Variants in XRN2 observed in about 807,000 individuals in gnomAD.
The protein encoded by XRN2 is DHM1-like protein.
Under a neutral mutation model 138.5 loss-of-function variants are expected in XRN2, and 44 were observed. The observed-to-expected ratio is 0.32, with a 90% CI of 0.25 to 0.41. The LOEUF (loss-of-function observed/expected upper bound fraction) is 0.41, where lower values mean the gene tolerates loss of function less well. Ranked by LOEUF, XRN2 falls within the 10% of genes least tolerant of loss-of-function variation. The probability of loss-of-function intolerance (pLI) is 1.00; values close to 1 mark genes in which losing one functional copy is unlikely to be tolerated. For synonymous variants in XRN2, 354 were observed against 369.4 expected, an observed-to-expected ratio of 0.96 and a Z score of 0.48; for missense variants, 937 against 1,169.3, an observed-to-expected ratio of 0.80 and a Z score of 2.90.
Position 21,326,503 on chromosome 20 carries a change from AATGAAG to A in XRN2, c.223_228del (p.Asp75_Glu76del), listed in dbSNP as rs758778363. 1 of 1,613,962 alleles carries A rather than the reference AATGAAG, an allele frequency of 6.2e-7. No individual in the cohort carries two copies. Among genetic ancestry groups the A allele is most frequent in the African/African-American group, 1.3e-5 (1 of 74,940 alleles). ...TTGTCATTATAGACCAGCACCAAAAAATGAAGATGAAATGATGGTTGCAATTTTTGA... is the reference window on the plus strand; with the variant it reads ...TTGTCATTATAGACCAGCACCAAAAAATGAAATGATGGTTGCAATTTTTGA... On this transcript the variant is annotated inframe_deletion, in exon 3 of 30. Transcript: ENST00000377191.
intron 28 of XRN2, among the ~76,000 whole-genome samples, chr20:21,385,814 A>G (rs1481702683): frequency 6.6e-6 from 1 of 152,194 alleles, no homozygotes; most frequent in African/African-American, 2.4e-5. Flanking sequence ...TGAAATTCTT[A>G]TGCTGATATG....
intron 1 of XRN2, among the ~76,000 whole-genome samples, chr20:21,311,537 A>G (rs767221199): frequency 9.0e-4 from 137 of 152,290 alleles, no homozygotes; most frequent in Non-Finnish European, 1.7e-3. Flanking sequence ...TTGGTGTACA[A>G]GTATCTTTTT....
intron 27 of XRN2, among the ~76,000 whole-genome samples, chr20:21,377,616 T>G (rs1393340597): frequency 6.6e-6 from 1 of 152,102 alleles, no homozygotes; most frequent in African/African-American, 2.4e-5. Flanking sequence ...ATTTATTTTG[T>G]GATCTTGTTA....
chr20:21,309,489 G>A (rs1257047708), intron 1 of XRN2, among the ~76,000 whole-genome samples: 1 of 152,046 alleles, frequency 6.6e-6, no homozygotes, highest in Non-Finnish European at 1.5e-5. Context: ...CTTTGAATGC[G>A]GCCCAGCACA....
intron 1 of XRN2, among the ~76,000 whole-genome samples, chr20:21,312,654 G>T (rs929321151): frequency 7.8e-4 from 116 of 149,214 alleles, no homozygotes; most frequent in African/African-American, 2.8e-3. Context: ...CTGTTGCCCA[G>T]GCTGGAGTGC....
At chr20:21,312,983 G>A (rs553859970) in intron 1 of XRN2, among the ~76,000 whole-genome samples, 1 of 152,248 alleles carries the variant, frequency 6.6e-6, no homozygotes, top group East Asian at 1.9e-4. Context: ...GAAGAGGTTT[G>A]GGGAGCTCTT....
At position 21,314,708 on chromosome 20, in the gene XRN2, T is replaced by G. The variant is rs192694718; in HGVS notation, c.75+11235T>G. 2.0e-5 allele frequency among the ~76,000 whole-genome samples: 3 copies of G among 152,208 alleles called. No individual in the cohort carries two copies. The East Asian group carries it at 5.8e-4, about 29-fold the overall frequency. On this transcript the variant is annotated intron_variant, in intron 1 of 29. Coordinates refer to ENST00000377191, the MANE Select transcript of XRN2 (RefSeq NM_012255.5). ...TCTGTGTTGCCTACTGGTCTTGAAC[T>G]CCTAGCCCCAAGTGATTGCACTATT...
chr20:21,351,046 AT>A (rs2038504342), intron 20 of XRN2, among the ~76,000 whole-genome samples: 2 of 152,140 alleles, frequency 1.3e-5, no homozygotes, highest in South Asian at 4.1e-4. Flanking sequence ...AAGCAAATAT[AT>A]TTTTGTGTTT....
At chr20:21,338,602 A>G (rs1403616575) in intron 13 of XRN2, among the ~76,000 whole-genome samples, 1 of 152,190 alleles carries the variant, frequency 6.6e-6, no homozygotes, top group African/African-American at 2.4e-5. Flanking sequence ...GAGTCTAATT[A>G]AATTGTCTTG....
chr20:21,322,386 C>A (rs1187712544), intron 1 of XRN2, among the ~76,000 whole-genome samples: 1 of 152,204 alleles, frequency 6.6e-6, no homozygotes, highest in Non-Finnish European at 1.5e-5. Context: ...TTGGCCATTT[C>A]TCTCTAAAAT....
At position 21,389,598 on chromosome 20, in the gene XRN2, G is replaced by T. The variant is rs1426814821; in HGVS notation, c.*260G>T. The T allele has an allele frequency of 9.7e-6, 3 of 307,808 alleles. No individual in the cohort carries two copies. The highest frequency in any genetic ancestry group is 1.3e-4 in the South Asian group (2 of 15,338). 19.1% of individuals were successfully genotyped at this position (307,808 alleles called of 1,614,324 possible). ...ATAGGAGTACTGGTTTTTCATAATG[G>T]TTAAAAATGAAACCAGCTGTGGATT... On this transcript the variant is annotated 3_prime_UTR_variant, in exon 30 of 30. Transcript: ENST00000377191.
At chr20:21,353,235 T>G (rs1371382659) in intron 20 of XRN2, among the ~76,000 whole-genome samples, 1 of 38,560 alleles carries the variant, frequency 2.6e-5, no homozygotes, top group South Asian at 1.7e-3. Context: ...TATATATATA[T>G]ATATATATAT....
At chr20:21,365,354 C>A in intron 24 of XRN2, 67 bp from the exon 25 acceptor site, 15 of 1,478,950 alleles carry the variant, frequency 1.0e-5, no homozygotes, top group Non-Finnish European at 1.3e-5. Context: ...ATGAAAAATA[C>A]CTCAGTCTAC....
intron 29 of XRN2, 103 bp downstream of exon 29, chr20:21,387,109 A>G: frequency 3.6e-6 from 5 of 1,406,848 alleles, no homozygotes; most frequent in Non-Finnish European, 4.8e-6. Flanking sequence ...AGACACTGAT[A>G]GAGTAGCTTA....
At chr20:21,383,760 T>C (rs1450446920) in intron 28 of XRN2, among the ~76,000 whole-genome samples, 1 of 152,224 alleles carries the variant, frequency 6.6e-6, no homozygotes, top group Non-Finnish European at 1.5e-5. Flanking sequence ...TTTGTTCTTA[T>C]TCTACCCTAG....
chr20:21,312,641 G>C (rs1395274394), intron 1 of XRN2, among the ~76,000 whole-genome samples: 1 of 132,462 alleles, frequency 7.5e-6, no homozygotes, highest in African/African-American at 3.0e-5. Context: ...ACAGAGTCTT[G>C]CTCTGTTGCC....
intron 27 of XRN2, among the ~76,000 whole-genome samples, chr20:21,371,756 T>C (rs2038764698): frequency 6.6e-6 from 1 of 152,270 alleles, no homozygotes; most frequent in Non-Finnish European, 1.5e-5. Flanking sequence ...AGAAGGATCA[T>C]GTTCCAATAA....
chr20:21,366,931 C>T (rs1471174500), intron 26 of XRN2, among the ~76,000 whole-genome samples: 3 of 152,196 alleles, frequency 2.0e-5, no homozygotes, highest in African/African-American at 4.8e-5. Context: ...CTGACTCTTA[C>T]TTCAAGGGAA....
At chr20:21,347,576 T>C (rs1405707351) in intron 17 of XRN2, among the ~76,000 whole-genome samples, 2 of 152,266 alleles carry the variant, frequency 1.3e-5, no homozygotes, top group Non-Finnish European at 1.5e-5. Flanking sequence ...TCTTAACACA[T>C]CTTAGATATC....
Sources: gnomAD v4.1 joint callset for allele counts (sites outside exome capture counted in the v4.1 genomes callset) on GRCh38, gnomAD v4.1.1 for gene constraint, MANE v1.5 for transcripts, NCBI Gene and HGNC (gene_info 2026-07-23, HGNC 2026-07-21) for gene names.